Variants in SENP1 observed in about 807,000 individuals in gnomAD.
SENP1 encodes the protein sentrin-specific protease 1.
Under a neutral mutation model 93.0 loss-of-function variants are expected in SENP1, and 21 were observed. The ratio of observed to expected loss-of-function variants is 0.23; its 90% confidence interval spans 0.16 to 0.33. SENP1 has a LOEUF of 0.33. SENP1 is among the 10% of genes least tolerant of loss of function. The pLI is 1.00. For synonymous variants in SENP1, 256 were observed against 259.6 expected (o/e 0.99, Z 0.13); for missense variants, 591 against 758.7 (o/e 0.78, Z 2.60).
At chr12:48,047,748 G>T (rs1941481101) in intron 15 of SENP1, among the ~76,000 whole-genome samples, 1 of 152,190 alleles carries the variant, frequency 6.6e-6, no homozygotes, top group Non-Finnish European at 1.5e-5. Context: ...TGGATTAAAT[G>T]ATTTCTAAGT....
chr12:48,089,091 C>G (rs984612490), intron 4 of SENP1, 131 bp from the exon 5 acceptor site: 1 of 1,547,324 alleles, frequency 6.5e-7, no homozygotes, highest in African/African-American at 1.4e-5. Flanking sequence ...AAGAAAGATC[C>G]CAGTCTCAAC....
intron 12 of SENP1, 85 bp downstream of exon 12, chr12:48,064,980 A>T: frequency 9.9e-7 from 1 of 1,015,034 alleles, no homozygotes; most frequent in Non-Finnish European, 1.5e-6. Context: ...CCTGACCACT[A>T]TTGCTTTTAT....
intron 5 of SENP1, chr12:48,085,076 G>T: frequency 7.5e-7 from 1 of 1,327,316 alleles, no homozygotes; most frequent in Non-Finnish European, 1.1e-6. Flanking sequence ...CGGGGAGAAG[G>T]AAGCTCATCG....
Position 48,088,685 on chromosome 12 carries a change from A to G in SENP1, c.380+116T>C, listed in dbSNP as rs1000733979. 3.8e-5 allele frequency: 37 copies of G among 976,218 alleles called. No homozygotes were observed. In the African/African-American group the frequency reaches 6.0e-4, roughly 16 times the overall value. The allele number at this position is 976,218 out of a possible 1,614,324, so 60.5% of individuals were successfully genotyped here. A position where few individuals can be genotyped will look rare whatever the true frequency, so the allele number is the denominator to read the frequency against. The stretch of plus-strand genomic sequence containing the variant: ...GGATTTGTTCATATCCTTAAGGTTT[A>G]AAGTCCAAAAATGGTGTTACTCTTT... On this transcript the variant is annotated intron_variant, in intron 5 of 17. Coordinates refer to ENST00000549518, the MANE Select transcript of SENP1 (RefSeq NM_001267594.2).
chr12:48,091,168 G>A (rs12303042), intron 4 of SENP1, among the ~76,000 whole-genome samples: 2,290 of 152,222 alleles, frequency 0.015, 77 homozygotes, highest in African/African-American at 0.052. Context: ...AATGTGTCAA[G>A]ACTGGGTGTG....
intron 10 of SENP1, among the ~76,000 whole-genome samples, chr12:48,066,463 C>A (rs1943304119): frequency 6.6e-6 from 1 of 151,824 alleles, no homozygotes; most frequent in African/African-American, 2.4e-5. Context: ...AATGTTCCAA[C>A]TCCAACAATA....
chr12:48,078,334 T>TATATATATATATATATATATAC, intron 6 of SENP1, among the ~76,000 whole-genome samples: 1,038 of 67,640 alleles, frequency 0.015, 37 homozygotes, highest in African/African-American at 0.04. Flanking sequence ...TATATATATA[T>TATATATATATATATATATATAC]ACACACACAT....
At chr12:48,098,633 A>C (rs1289640362) in intron 2 of SENP1, among the ~76,000 whole-genome samples, 1 of 141,822 alleles carries the variant, frequency 7.1e-6, no homozygotes, top group African/African-American at 2.7e-5. Context: ...ACAAGAGCAA[A>C]ACTCCATCTC....
In SENP1 at chr12:48,088,836, G is replaced by C; in HGVS notation, c.345C>G (p.Ser115Arg). 6.2e-7 allele frequency: 1 copy of C among 1,609,060 alleles called. No individual in the cohort carries two copies. Among genetic ancestry groups the C allele is most frequent in the Non-Finnish European group, 8.5e-7 (1 of 1,177,578 alleles). Residue 115 changes from serine to arginine, a missense_variant, in exon 5 of 18, where the codon AGC (serine) becomes AGG (arginine). Ser to Arg is a moderately radical substitution (Grantham distance 110). Transcript: ENST00000549518. Reference sequence around the variant, plus strand: ...TTCGGGTTTCGAGGTAAAGACTTCGGCTGTTTCTTGATTTTTGTAAAGATG... The same window carrying C: ...TTCGGGTTTCGAGGTAAAGACTTCGCCTGTTTCTTGATTTTTGTAAAGATG... Reference protein sequence around the residue: ...SSSSLQKSRNSRSLYLETRKT... With the variant: ...SSSSLQKSRNRRSLYLETRKT...
At chr12:48,097,014 T>C (rs1469530085) in intron 3 of SENP1, among the ~76,000 whole-genome samples, 11 of 152,014 alleles carry the variant, frequency 7.2e-5, no homozygotes, top group Admixed American at 7.2e-4. Flanking sequence ...TACGTATTAA[T>C]ACTACATACT....
intron 4 of SENP1, chr12:48,089,364 AAC>A (rs1200113478): frequency 7.0e-6 from 9 of 1,289,834 alleles, no homozygotes; most frequent in African/African-American, 1.5e-5. Flanking sequence ...TCAAATGAAC[AAC>A]AGTTATTGAT....
chr12:48,062,739 T>C (rs1307924802), intron 13 of SENP1, among the ~76,000 whole-genome samples: 2 of 152,236 alleles, frequency 1.3e-5, no homozygotes, highest in Non-Finnish European at 2.9e-5. Context: ...CTTGTTTCTT[T>C]ATCTGCAGAA....
intron 1 of SENP1, chr12:48,105,350 T>G: frequency 1.9e-6 from 1 of 518,214 alleles, no homozygotes. Flanking sequence ...GAGGCATAGA[T>G]CCAGAGATCA....
At chr12:48,102,519 G>A in intron 1 of SENP1, among the ~76,000 whole-genome samples, 1 of 151,096 alleles carries the variant, frequency 6.6e-6, no homozygotes, top group Non-Finnish European at 1.5e-5. Flanking sequence ...CGGCACATAT[G>A]GTCTTGGTAG....
chr12:48,074,315 C>T lies in SENP1; in HGVS notation c.940+9G>A. 3 of 1,602,612 alleles carry T rather than the reference C, an allele frequency of 1.9e-6. No homozygotes were observed. The highest frequency in any genetic ancestry group is 2.6e-6 in the Non-Finnish European group (3 of 1,172,530). ...GACTAAAAATGTAGTTATATGATAC[C>T]ATGTTTACCTTCAGATTGTGTATTT... On this transcript the variant is annotated intron_variant, in intron 8 of 17. Transcript: ENST00000549518.
intron 10 of SENP1, 32 bp from the exon 11 acceptor site, chr12:48,065,712 A>G (rs778459597): frequency 7.5e-7 from 1 of 1,326,412 alleles, no homozygotes; most frequent in Non-Finnish European, 1.1e-6. Context: ...GACCAAATGT[A>G]GACCACTCTC....
chr12:48,087,079 CAAAA>C (rs1170574418), intron 5 of SENP1, among the ~76,000 whole-genome samples: 20 of 150,736 alleles, frequency 1.3e-4, no homozygotes, highest in African/African-American at 4.7e-4. Context: ...CAAAACAAAA[CAAAA>C]AAAGGCTGTT....
chr12:48,088,370 T>C (rs12304476), intron 5 of SENP1, among the ~76,000 whole-genome samples: 25,346 of 152,230 alleles, frequency 0.17, 2,442 homozygotes, highest in East Asian at 0.28. Context: ...CTCTTTATTT[T>C]CTAATATATA....
intron 5 of SENP1, chr12:48,088,410 A>G (rs755262413): frequency 3.2e-4 from 57 of 179,064 alleles, no homozygotes; most frequent in South Asian, 8.7e-4. Flanking sequence ...GACTAATGCC[A>G]TGAGGTAGAG....
Sources: allele counts gnomAD v4.1 joint callset (sites outside exome capture counted in the v4.1 genomes callset), GRCh38; gene constraint gnomAD v4.1.1; transcripts MANE v1.5; gene names NCBI Gene and HGNC (gene_info 2026-07-23, HGNC 2026-07-21).